The following TBC1D4 variants were observed in gnomAD, a reference collection of about 807,000 sequenced individuals.
TBC1D4 encodes the protein TBC1 domain family member 4.
TBC1D4 carries 121 observed loss-of-function variants against 142.5 expected under a neutral mutation model. The ratio of observed to expected loss-of-function variants is 0.85; its 90% CI spans 0.73 to 0.99. The LOEUF (loss-of-function observed/expected upper bound fraction) is 0.99, where lower values mean the gene tolerates loss of function less well. Among genes scored for constraint, TBC1D4 ranks in the 50% least tolerant of loss-of-function variants. The probability of loss-of-function intolerance (pLI) is 0.00; values close to 1 mark genes in which losing one functional copy is unlikely to be tolerated. For synonymous variants in TBC1D4, 630 were observed against 628.2 expected (o/e 1.00, Z -0.04); for missense variants, 1,475 against 1,606.6 (o/e 0.92, Z 1.40).
intron 12 of TBC1D4, among the ~76,000 whole-genome samples, chr13:75,315,885 A>G (rs1431113621): frequency 1.3e-5 from 2 of 152,202 alleles, no homozygotes; most frequent in Non-Finnish European, 2.9e-5. Flanking sequence ...TGACCATGAC[A>G]ATGTTGTTAA....
At chr13:75,481,235 G>A (rs1670373045) in intron 1 of TBC1D4, 35 bp downstream of exon 1, 8 of 1,053,842 alleles carry the variant, frequency 7.6e-6, no homozygotes, top group Non-Finnish European at 1.1e-5. Flanking sequence ...CCCCAAGGCC[G>A]AGCCCGCCCC....
rs78803290 is a variant in TBC1D4, at chr13:75,458,922, T to C, written c.498+22348A>G. On this transcript the variant is annotated intron_variant, in intron 1 of 20. Coordinates refer to ENST00000377636, the MANE Select transcript of TBC1D4 (RefSeq NM_014832.5). ...CTAGGGCCTTAGAAAGAGAAAGCAC[T>C]AGGTAAATGTAAACTGGGACCTTGT... 6.0e-3 allele frequency among the ~76,000 whole-genome samples: 913 copies of C among 152,144 alleles called. 6 individuals carry two copies. The highest frequency in any genetic ancestry group is 0.018 in the African/African-American group (728 of 41,522).
intron 1 of TBC1D4, among the ~76,000 whole-genome samples, chr13:75,461,602 T>C (rs1279571303): frequency 6.6e-6 from 1 of 152,232 alleles, no homozygotes; most frequent in East Asian, 1.9e-4. Flanking sequence ...GTAAATGTCA[T>C]ATTATTTATA....
Position 75,306,350 on chromosome 13 carries a change from T to A in TBC1D4, c.2715A>T (p.Arg905Ser), listed in dbSNP as rs375892188. ...GAGTATGAATATCTTCCATATCACA[T>A]CTGATTTTAGCTCTGCAGTTTAACA... The part of the protein sequence containing the change: ...KKLLNCRAKI[R>S]CDMEDIHTLL... The change falls in exon 15 of 21, where the codon AGA becomes AGT. Residue 905 changes from arginine (R) to serine (S), a missense_variant. Physicochemically the swap from Arg to Ser is moderately radical, Grantham distance 110. This residue lies in a region of TBC1D4 where 1,227 missense variants were observed against 1,267.7 expected (regional missense o/e 0.97). Transcript: ENST00000377636. 2.5e-6 allele frequency: 4 copies of A among 1,612,754 alleles called. No individual in the cohort carries two copies. The highest frequency in any genetic ancestry group is 3.4e-6 in the Non-Finnish European group (4 of 1,179,806).
intron 1 of TBC1D4, among the ~76,000 whole-genome samples, chr13:75,410,679 G>A (rs1885602502): frequency 6.6e-6 from 1 of 152,224 alleles, no homozygotes; most frequent in Non-Finnish European, 1.5e-5. Flanking sequence ...GCTCACGCCT[G>A]TAATCCCAGC....
chr13:75,337,121 G>T, intron 7 of TBC1D4, 81 bp from the exon 8 acceptor site: 1 of 1,362,918 alleles, frequency 7.3e-7, no homozygotes, highest in Non-Finnish European at 1.0e-6. Context: ...TTAAGACTAA[G>T]CTATTAAAAA....
intron 5 of TBC1D4, 79 bp from the exon 6 acceptor site, chr13:75,341,666 C>T (rs2138077897): frequency 2.7e-6 from 3 of 1,113,484 alleles, no homozygotes; most frequent in Non-Finnish European, 4.1e-6. Context: ...TTACACTTCA[C>T]CTCTTCCCAA....
intron 7 of TBC1D4, among the ~76,000 whole-genome samples, chr13:75,340,587 C>A (rs1024449204): frequency 1.1e-4 from 16 of 151,920 alleles, no homozygotes; most frequent in African/African-American, 3.9e-4. Flanking sequence ...TAACCAAAAC[C>A]CACAAATTCT....
At chr13:75,409,022 CAT>C (rs1055982085) in intron 1 of TBC1D4, among the ~76,000 whole-genome samples, 4 of 128,744 alleles carry the variant, frequency 3.1e-5, no homozygotes, top group Non-Finnish European at 6.4e-5. Flanking sequence ...TGATTGTGTG[CAT>C]ATATATATAC....
intron 1 of TBC1D4, among the ~76,000 whole-genome samples, chr13:75,410,162 A>C (rs183843690): frequency 6.6e-6 from 1 of 152,306 alleles, no homozygotes; most frequent in African/African-American, 2.4e-5. Flanking sequence ...AATAAATGGT[A>C]CCTATAATTA....
intron 1 of TBC1D4, among the ~76,000 whole-genome samples, chr13:75,396,530 T>C (rs529654030): frequency 2.2e-4 from 34 of 152,340 alleles, no homozygotes; most frequent in South Asian, 8.3e-4. Flanking sequence ...AGGCATATTG[T>C]ATTTGTGTCA....
chr13:75,420,377 G>C (rs1241379948), intron 1 of TBC1D4, among the ~76,000 whole-genome samples: 12 of 152,178 alleles, frequency 7.9e-5, no homozygotes, highest in African/African-American at 2.9e-4. Context: ...TGAATGTATA[G>C]CATGTAAATC....
intron 1 of TBC1D4, among the ~76,000 whole-genome samples, chr13:75,404,820 A>T (rs889668388): frequency 7.9e-5 from 12 of 152,206 alleles, no homozygotes; most frequent in Admixed American, 6.5e-4. Context: ...ACAGTTAAAA[A>T]TTGAACAAGA....
chr13:75,320,866 A>C (rs1977340), intron 11 of TBC1D4, among the ~76,000 whole-genome samples: 2 of 114,042 alleles, frequency 1.8e-5, no homozygotes, highest in Non-Finnish European at 3.8e-5. Flanking sequence ...TACTAAAAAT[A>C]CAAAAAAAAA....
At chr13:75,469,468 G>A (rs1177303311) in intron 1 of TBC1D4, among the ~76,000 whole-genome samples, 1 of 152,056 alleles carries the variant, frequency 6.6e-6, no homozygotes, top group Non-Finnish European at 1.5e-5. Context: ...GAGAGCTGTG[G>A]ACATACAAAA....
chr13:75,315,950 G>C (rs1022554849), intron 12 of TBC1D4, among the ~76,000 whole-genome samples: 2 of 152,006 alleles, frequency 1.3e-5, no homozygotes, highest in African/African-American at 4.8e-5. Context: ...CCTACATAAA[G>C]CCATCTAATT....
chr13:75,405,057 G>A (rs1885267195), intron 1 of TBC1D4, among the ~76,000 whole-genome samples: 1 of 152,114 alleles, frequency 6.6e-6, no homozygotes, highest in Non-Finnish European at 1.5e-5. Context: ...TCTTTCTTAT[G>A]TATGGGTCAT....
intron 1 of TBC1D4, among the ~76,000 whole-genome samples, chr13:75,427,793 T>C (rs1161641009): frequency 2.6e-5 from 4 of 152,254 alleles, no homozygotes. Flanking sequence ...CTTTATTCAC[T>C]GTTTAAGTGA....
At chr13:75,295,053 T>G (rs1285786879) in intron 17 of TBC1D4, 40 bp from the exon 18 acceptor site, 1 of 1,578,944 alleles carries the variant, frequency 6.3e-7, no homozygotes, top group Middle Eastern at 1.7e-4. Context: ...ATTATGCATT[T>G]ATCTGCATGT....
Sources: gnomAD v4.1 joint callset for allele counts (sites outside exome capture counted in the v4.1 genomes callset) on GRCh38, gnomAD v4.1.1 for gene constraint, gnomAD v4.1.1 regional missense constraint, MANE v1.5 for transcripts, NCBI Gene and HGNC (gene_info 2026-07-23, HGNC 2026-07-21) for gene names.